The following PANK1 variants were observed in gnomAD, a reference collection of about 807,000 sequenced individuals.
PANK1 encodes pantothenate kinase 1, also known as pantothenic acid kinase 1.
PANK1 carries 18 observed loss-of-function variants against 40.1 expected under a neutral mutation model. The observed-to-expected ratio is 0.45, with a 90% confidence interval of 0.31 to 0.67. The LOEUF is 0.67. PANK1 is among the 30% of genes least tolerant of loss of function. PANK1 has a pLI of 0.06. For synonymous variants in PANK1, 242 were observed against 237.7 expected, an observed-to-expected ratio of 1.02 and a Z score of -0.17; for missense variants, 457 against 599.6, an observed-to-expected ratio of 0.76 and a Z score of 2.48.
intron 6 of PANK1, among the ~76,000 whole-genome samples, chr10:89,584,741 C>G (rs1844143534): frequency 6.6e-6 from 1 of 152,098 alleles, no homozygotes; most frequent in Non-Finnish European, 1.5e-5. Context: ...TCATCTTTAT[C>G]TTTGTCATGG....
intron 1 of PANK1, among the ~76,000 whole-genome samples, chr10:89,635,151 G>A (rs916396055): frequency 6.6e-6 from 1 of 151,824 alleles, no homozygotes; most frequent in Non-Finnish European, 1.5e-5. Flanking sequence ...TATAGAGAGA[G>A]AGAGAGATAA....
At position 89,599,341 on chromosome 10, in the gene PANK1, T is replaced by C; in HGVS notation, c.810A>G (p.Pro270=). Residue 270 remains proline, a synonymous_variant, in exon 3 of 7, where the codon CCA becomes CCG. Coordinates refer to ENST00000307534, the MANE Select transcript of PANK1 (RefSeq NM_148977.3). The stretch of plus-strand genomic sequence containing the variant: ...CCATGTTAACCAGCAACATAGGGTA[T>C]GGGTTATCAAGGCAGTACGGCTTTT... The part of the protein sequence containing the change: ...CQKKPYCLDN[P]YPMLLVNMGS... The C allele has an allele frequency of 2.5e-6, 4 of 1,613,118 alleles. No individual in the cohort carries two copies. The highest frequency in any genetic ancestry group is 2.7e-5 in the African/African-American group (2 of 75,002).
chr10:89,644,866 T>A lies in PANK1; in HGVS notation c.26A>T (p.Glu9Val). Residue 9 changes from glutamate to valine, a missense_variant, in exon 1 of 7, where the codon GAG becomes GTG. Glu to Val is a moderately radical substitution (Grantham distance 121). This residue lies in a region of PANK1 where 144 missense variants were observed against 131.2 expected (regional missense o/e 1.10). Transcript: ENST00000307534. Reference sequence around the variant, plus strand: ...CCCTGGAGAGTGCGGGACCGAGCGCTCCTGCTGCCCGCTGCGGTCGCCCAT... The same window carrying A: ...CCCTGGAGAGTGCGGGACCGAGCGCACCTGCTGCCCGCTGCGGTCGCCCAT... MGDRSGQQ[E>V]RSVPHSPGAP... 6.7e-7 allele frequency: 1 copy of A among 1,484,554 alleles called. No individual in the cohort carries two copies. The highest frequency in any genetic ancestry group is 1.3e-5 in the South Asian group (1 of 76,430). The allele number at this position is 1,484,554 out of a possible 1,614,324, so 92.0% of individuals were successfully genotyped here.
chr10:89,581,301 C>G (rs534281628), downstream of PANK1: 3 of 152,220 alleles, frequency 2.0e-5, no homozygotes, highest in Admixed American at 6.5e-5. Flanking sequence ...TTGTTCCCAA[C>G]AAAGAGACTC....
intron 1 of PANK1, chr10:89,613,953 T>C: frequency 2.2e-6 from 1 of 456,638 alleles, no homozygotes; most frequent in Non-Finnish European, 4.4e-6. Flanking sequence ...TTAATTTCCT[T>C]ATCTGTAAAA....
At chr10:89,591,794 G>A (rs1225546154) in intron 5 of PANK1, among the ~76,000 whole-genome samples, 2 of 152,212 alleles carry the variant, frequency 1.3e-5, no homozygotes, top group Non-Finnish European at 2.9e-5. Context: ...GAAATCAAAA[G>A]TGAAAAGTAA....
At chr10:89,630,315 T>A (rs1421711576) in intron 1 of PANK1, among the ~76,000 whole-genome samples, 1 of 152,216 alleles carries the variant, frequency 6.6e-6, no homozygotes, top group Non-Finnish European at 1.5e-5. Flanking sequence ...CAACATTATA[T>A]CAATTAACAT....
intron 1 of PANK1, among the ~76,000 whole-genome samples, chr10:89,641,346 T>C (rs1393399662): frequency 6.6e-6 from 1 of 152,232 alleles, no homozygotes; most frequent in Non-Finnish European, 1.5e-5. Flanking sequence ...TAAAGCCTTA[T>C]ACTTTCACAA....
intron 1 of PANK1, among the ~76,000 whole-genome samples, chr10:89,638,237 C>A (rs569440562): frequency 6.6e-6 from 1 of 152,340 alleles, no homozygotes; most frequent in Admixed American, 6.5e-5. Flanking sequence ...ATAGGACTAC[C>A]TTTGTATATG....
chr10:89,590,589 CATGTGTGTACATAT>C (rs972804445), intron 5 of PANK1, among the ~76,000 whole-genome samples: 1 of 152,086 alleles, frequency 6.6e-6, no homozygotes, highest in Admixed American at 6.5e-5. Context: ...AAATAATATA[CATGTGTGTACATAT>C]ATGTGTGTAT....
At position 89,645,054 on chromosome 10, in the gene PANK1, T is replaced by G. The variant is rs1786932588; in HGVS notation, c.-163A>C. 2 of 1,561,320 alleles carry G rather than the reference T, an allele frequency of 1.3e-6. No individual in the cohort carries two copies. Among genetic ancestry groups the G allele is most frequent in the South Asian group, 1.2e-5 (1 of 86,182 alleles). On this transcript the variant is annotated 5_prime_UTR_variant, in exon 1 of 7. Coordinates refer to ENST00000307534, the MANE Select transcript of PANK1 (RefSeq NM_148977.3). ...GAACCCGGCGCTCCTCCCCTCCTCC[T>G]GCCGACTCCCCCACCTCCTCTGCGC...
At chr10:89,629,132 A>G (rs1841560058) in intron 1 of PANK1, among the ~76,000 whole-genome samples, 1 of 152,228 alleles carries the variant, frequency 6.6e-6, no homozygotes, top group South Asian at 2.1e-4. Context: ...GAGTACATAG[A>G]TTCTGAGGGA....
In PANK1 at chr10:89,644,808, G is replaced by C; in HGVS notation, c.84C>G (p.Asn28Lys). ...GATGGAAGCCGTTGTGCAGCAGCCC[G>C]TTCACAGCGGCGGCGCTGGTGCCCA... ...APVGTSAAAV[N>K]GLLHNGFHPP... Residue 28 changes from asparagine to lysine, a missense_variant, in exon 1 of 7, where the codon AAC becomes AAG. Asn to Lys is a moderately conservative substitution (Grantham distance 94, BLOSUM62 0). Coordinates refer to ENST00000307534, the MANE Select transcript of PANK1 (RefSeq NM_148977.3). 6.8e-7 allele frequency: 1 copy of C among 1,461,018 alleles called. No individual in the cohort carries two copies. The highest frequency in any genetic ancestry group is 9.0e-7 in the Non-Finnish European group (1 of 1,115,450). The allele number at this position is 1,461,018 out of a possible 1,614,324, so 90.5% of individuals were successfully genotyped here. A position where few individuals can be genotyped will look rare whatever the true frequency, so the allele number is the denominator to read the frequency against.
chr10:89,594,019 T>C (rs1197594001), intron 3 of PANK1, 30 bp from the exon 4 acceptor site: 3 of 1,562,310 alleles, frequency 1.9e-6, no homozygotes, highest in Non-Finnish European at 1.8e-6. Flanking sequence ...TATTTTTAAA[T>C]TTTACTTTAA....
intron 1 of PANK1, among the ~76,000 whole-genome samples, chr10:89,636,386 GCTTGCAGTGGCGCGATCTCAGCTCA>G (rs1841814334): frequency 6.6e-6 from 1 of 151,560 alleles, no homozygotes; most frequent in Non-Finnish European, 1.5e-5. Flanking sequence ...GTGCAGGTTG[GCTTGCAGTGGCGCGATCTCAGCTCA>G]CTGCAGGCTC....
At position 89,591,333 on chromosome 10, in the gene PANK1, C is replaced by T. The variant is rs558796486; in HGVS notation, c.1200+1864G>A. 5.3e-5 allele frequency among the ~76,000 whole-genome samples: 8 copies of T among 152,168 alleles called. No individual in the cohort carries two copies. The East Asian group carries it at 1.5e-3, about 29-fold the overall frequency. ...AATGGTGACTCACTTCCTTGTGTATCCTTCTAATGTCTTAGAAGTCTGTAT... is the reference window on the plus strand; with the variant it reads ...AATGGTGACTCACTTCCTTGTGTATTCTTCTAATGTCTTAGAAGTCTGTAT... On this transcript the variant is annotated intron_variant, in intron 5 of 6. Coordinates refer to ENST00000307534, the MANE Select transcript of PANK1 (RefSeq NM_148977.3).
intron 3 of PANK1, 24 bp downstream of exon 3, chr10:89,599,228 A>C: frequency 6.2e-7 from 1 of 1,603,228 alleles, no homozygotes; most frequent in Non-Finnish European, 8.5e-7. Context: ...GTCTGGGTTC[A>C]AGCACAAGCA....
rs574195741 is a variant in PANK1 at position 89,588,257 on chromosome 10, G to T, written c.1326+395C>A. Among the ~76,000 whole-genome samples, 9 of 152,174 alleles carry T rather than the reference G, an allele frequency of 5.9e-5. No individual in the cohort carries two copies. In the South Asian group the frequency reaches 1.9e-3, roughly 32 times the overall value. Reference sequence around the variant, plus strand: ...GATAATTCCATAACCTAGTTATTGTGAGTAGTGCTGCAATAAACATGGGAG... The same window carrying T: ...GATAATTCCATAACCTAGTTATTGTTAGTAGTGCTGCAATAAACATGGGAG... On this transcript the variant is annotated intron_variant, in intron 6 of 6. Transcript: ENST00000307534.
At chr10:89,638,071 T>C (rs1049906359) in intron 1 of PANK1, among the ~76,000 whole-genome samples, 6 of 152,208 alleles carry the variant, frequency 3.9e-5, no homozygotes, top group African/African-American at 1.4e-4. Context: ...GTATTATGTA[T>C]TATACATAAT....
Sources: allele counts gnomAD v4.1 joint callset (sites outside exome capture counted in the v4.1 genomes callset), GRCh38; gene constraint gnomAD v4.1.1; regional missense constraint gnomAD v4.1.1; transcripts MANE v1.5; gene names NCBI Gene and HGNC (gene_info 2026-07-23, HGNC 2026-07-21).